Variants in PDLIM5 observed in about 807,000 individuals in gnomAD.
The protein encoded by PDLIM5 is PDZ and LIM domain protein 5.
Under a neutral mutation model 64.2 loss-of-function variants are expected in PDLIM5, and 34 were observed. The ratio of observed to expected loss-of-function variants is 0.53; its 90% CI spans 0.40 to 0.71. PDLIM5 has a LOEUF of 0.71. PDLIM5 is among the 30% of genes least tolerant of loss of function. The pLI is 0.00. For missense variants in PDLIM5, 683 were observed against 733.6 expected (o/e 0.93, Z 0.80); for synonymous variants, 253 against 269.1 (o/e 0.94, Z 0.59).
At chr4:94,515,007 C>A (rs570314037) in intron 2 of PDLIM5, among the ~76,000 whole-genome samples, 1 of 152,100 alleles carries the variant, frequency 6.6e-6, no homozygotes, top group East Asian at 1.9e-4. Flanking sequence ...TGTATAACAA[C>A]AAAAAAATTA....
chr4:94,551,347 CTGTT>C (rs1732790375), intron 3 of PDLIM5, among the ~76,000 whole-genome samples: 1 of 152,074 alleles, frequency 6.6e-6, no homozygotes, highest in Non-Finnish European at 1.5e-5. Flanking sequence ...AGATTTAACT[CTGTT>C]TGCAAAGAGC....
intron 2 of PDLIM5, among the ~76,000 whole-genome samples, chr4:94,514,386 G>A (rs888431677): frequency 1.3e-5 from 2 of 151,842 alleles, no homozygotes; most frequent in Non-Finnish European, 2.9e-5. Flanking sequence ...TGCCCACCTT[G>A]GCCTCCCAAA....
intron 5 of PDLIM5, among the ~76,000 whole-genome samples, chr4:94,580,639 G>A (rs1735654012): frequency 6.6e-6 from 1 of 152,016 alleles, no homozygotes; most frequent in Admixed American, 6.6e-5. Context: ...TCATTAATCT[G>A]TTAGGTATTA....
chr4:94,455,627 T>C (rs561374833), intron 2 of PDLIM5: 41 of 677,238 alleles, frequency 6.1e-5, no homozygotes, highest in Middle Eastern at 4.1e-4. Context: ...AAAAAGCATT[T>C]AACTAGGAAC....
chr4:94,566,723 G>A (rs898641055), intron 3 of PDLIM5, among the ~76,000 whole-genome samples: 5 of 152,118 alleles, frequency 3.3e-5, no homozygotes, highest in Non-Finnish European at 7.4e-5. Flanking sequence ...TATGAAAGGC[G>A]GGAACTCTGT....
chr4:94,559,168 G>T (rs183692591), intron 3 of PDLIM5, among the ~76,000 whole-genome samples: 155 of 152,286 alleles, frequency 1.0e-3, no homozygotes, highest in African/African-American at 3.6e-3. Context: ...CATTTTCTGA[G>T]AATTTTGTCA....
intron 9 of PDLIM5, among the ~76,000 whole-genome samples, chr4:94,650,401 A>G (rs1257776755): frequency 6.6e-6 from 1 of 152,228 alleles, no homozygotes; most frequent in African/African-American, 2.4e-5. Context: ...TAAGTAGAAT[A>G]TCAGATTCTG....
chr4:94,604,951 G>A (rs1737799578), intron 7 of PDLIM5, among the ~76,000 whole-genome samples: 1 of 152,222 alleles, frequency 6.6e-6, no homozygotes, highest in Non-Finnish European at 1.5e-5. Flanking sequence ...CAGTTTCATA[G>A]AGTGTTGGGG....
At chr4:94,512,493 A>G (rs1728976502) in intron 2 of PDLIM5, among the ~76,000 whole-genome samples, 1 of 152,184 alleles carries the variant, frequency 6.6e-6, no homozygotes, top group South Asian at 2.1e-4. Flanking sequence ...ATGATATCTC[A>G]TAGTTTTGAT....
chr4:94,664,212 AGTCTG>A lies in PDLIM5; in HGVS notation c.*146_*150del. 1 of 1,215,798 alleles carries A rather than the reference AGTCTG, an allele frequency of 8.2e-7. No individual in the cohort carries two copies. The highest frequency in any genetic ancestry group is 1.0e-6 in the Non-Finnish European group (1 of 967,948). 75.3% of individuals were successfully genotyped at this position (1,215,798 alleles called of 1,614,324 possible). A position where few individuals can be genotyped will look rare whatever the true frequency, so the allele number is the denominator to read the frequency against. On this transcript the variant is annotated 3_prime_UTR_variant, in exon 13 of 13. Coordinates refer to ENST00000317968, the MANE Select transcript of PDLIM5 (RefSeq NM_006457.5). ...GAATAAATTCCAGCTTTAAAAACCA[AGTCTG>A]AGGAAATATTTGGCTTCATAAAGTA...
At chr4:94,633,008 T>C (rs1315871170) in intron 8 of PDLIM5, among the ~76,000 whole-genome samples, 1 of 152,160 alleles carries the variant, frequency 6.6e-6, no homozygotes, top group Non-Finnish European at 1.5e-5. Flanking sequence ...AAACTAGTGA[T>C]CAGATAATCA....
chr4:94,471,137 A>C (rs1358642794), intron 2 of PDLIM5, among the ~76,000 whole-genome samples: 1 of 152,190 alleles, frequency 6.6e-6, no homozygotes, highest in African/African-American at 2.4e-5. Flanking sequence ...TGGGAGCTAC[A>C]ATTTGAGATT....
At chr4:94,494,429 C>CTTTTTTTTTTTTTTTTTTTTTTTTTTTT (rs1261064734) in intron 2 of PDLIM5, among the ~76,000 whole-genome samples, 1 of 51,598 alleles carries the variant, frequency 1.9e-5, no homozygotes, top group African/African-American at 4.8e-5. Context: ...TTTTTTTTTT[C>CTTTTTTTTTTTTTTTTTTTTTTTTTTTT]TTGTTTTTTT....
At position 94,641,043 on chromosome 4, in the gene PDLIM5, ATGCAC is replaced by A. The variant is rs561229017; in HGVS notation, c.1283+596_1283+600del. On this transcript the variant is annotated intron_variant, in intron 9 of 12. Coordinates refer to ENST00000317968, the MANE Select transcript of PDLIM5 (RefSeq NM_006457.5). ...GAAGAAAAAGTCTCAGATCTTAAGAATGCACTGTACTGCAGCTTATTGAATCTCTG... is the reference window on the plus strand; with the variant it reads ...GAAGAAAAAGTCTCAGATCTTAAGAATGTACTGCAGCTTATTGAATCTCTG... 5.3e-5 allele frequency among the ~76,000 whole-genome samples: 8 copies of A among 152,354 alleles called. No homozygotes were observed. The East Asian group carries it at 1.3e-3, about 26-fold the overall frequency.
intron 7 of PDLIM5, among the ~76,000 whole-genome samples, chr4:94,616,958 CA>C (rs1738832252): frequency 6.6e-6 from 1 of 152,144 alleles, no homozygotes; most frequent in African/African-American, 2.4e-5. Context: ...GCAAGATTAG[CA>C]AAGGAAAAAG....
chr4:94,514,564 T>C (rs1481162536), intron 2 of PDLIM5, among the ~76,000 whole-genome samples: 6 of 152,202 alleles, frequency 3.9e-5, no homozygotes, highest in Non-Finnish European at 7.3e-5. Flanking sequence ...TATAATGAAT[T>C]TGAAAATATT....
intron 8 of PDLIM5, among the ~76,000 whole-genome samples, chr4:94,629,601 C>T (rs1739978623): frequency 6.6e-6 from 1 of 152,154 alleles, no homozygotes; most frequent in Non-Finnish European, 1.5e-5. Context: ...CCCACACTCA[C>T]TTTAATTAAG....
chr4:94,554,362 A>T (rs1388848016), intron 3 of PDLIM5, among the ~76,000 whole-genome samples: 1 of 152,242 alleles, frequency 6.6e-6, no homozygotes, highest in Non-Finnish European at 1.5e-5. Context: ...AGATACAGAA[A>T]AAAAGAAACT....
At chr4:94,481,380 C>G (rs1725834062) in intron 2 of PDLIM5, among the ~76,000 whole-genome samples, 2 of 151,304 alleles carry the variant, frequency 1.3e-5, no homozygotes, top group Non-Finnish European at 2.9e-5. Flanking sequence ...ACCTCCGCCT[C>G]CCTGGTTCAA....
Sources: allele counts gnomAD v4.1 joint callset (sites outside exome capture counted in the v4.1 genomes callset), GRCh38; gene constraint gnomAD v4.1.1; transcripts MANE v1.5; gene names NCBI Gene and HGNC (gene_info 2026-07-23, HGNC 2026-07-21).